The following E4F1 variants were observed in gnomAD, a reference collection of about 807,000 sequenced individuals.
E4F1 encodes transcription factor E4F1.
E4F1 carries 30 observed loss-of-function variants against 72.9 expected under a neutral mutation model. The ratio of observed to expected loss-of-function variants is 0.41; its 90% CI spans 0.31 to 0.56. The LOEUF is 0.56. Among genes scored for constraint, E4F1 ranks in the 20% least tolerant of loss-of-function variants. E4F1 has a pLI of 0.25. For missense variants in E4F1, 1,091 were observed against 1,117.5 expected (o/e 0.98, Z 0.34); for synonymous variants, 542 against 478.2 (o/e 1.13, Z -1.74).
At chr16:2,232,613 A>T in intron 5 of E4F1, 37 bp downstream of exon 5, 2 of 1,608,984 alleles carry the variant, frequency 1.2e-6, no homozygotes, top group Non-Finnish European at 1.7e-6. Flanking sequence ...GCCCGGTAGC[A>T]CCCCGATGGT....
rs1437730488 is a variant in E4F1, at chr16:2,234,318, G to A, written c.1523G>A (p.Gly508Asp). The A allele has an allele frequency of 6.2e-7, 1 of 1,612,980 alleles. No individual in the cohort carries two copies. Among genetic ancestry groups the A allele is most frequent in the East Asian group, 2.2e-5 (1 of 44,884 alleles). The part of the protein sequence containing the change: ...KLYKTIAHVR[G>D]HRRVHSDERP... ...TACAAGACCATTGCCCATGTGCGTG[G>A]CCACCGGCGCGTCCACTCAGACGAG... Residue 508 changes from glycine (G) to aspartate (D), a missense_variant, in exon 10 of 14, where the codon GGC becomes GAC. Coordinates refer to ENST00000301727, the MANE Select transcript of E4F1 (RefSeq NM_004424.5).
In E4F1 at chr16:2,234,839, G is replaced by T. The variant is rs986037040; in HGVS notation, c.1793-20G>T. 6 of 1,548,026 alleles carry T rather than the reference G, an allele frequency of 3.9e-6. No homozygotes were observed. In the East Asian group the frequency reaches 1.2e-4, roughly 32 times the overall value. On this transcript the variant is annotated intron_variant, in intron 11 of 13. Coordinates refer to ENST00000301727, the MANE Select transcript of E4F1 (RefSeq NM_004424.5). ...AGGGGGCCGGGGCTTGCCTAGCCCT[G>T]ACCGAGTCCCCACCCACAGGGGGCT...
Position 2,234,677 on chromosome 16 carries a change from T to C in E4F1, c.1688T>C (p.Val563Ala). 1 of 1,580,916 alleles carries C rather than the reference T, an allele frequency of 6.3e-7. No homozygotes were observed. Among genetic ancestry groups the C allele is most frequent in the East Asian group, 2.3e-5 (1 of 43,302 alleles). ...GGCTTCCGAGAGAAGGGCTCACTGG[T>C]GCGGCACGTGCGACACCACACAGGC... Reference protein sequence around the residue: ...SRGFREKGSLVRHVRHHTGEK... With the variant: ...SRGFREKGSLARHVRHHTGEK... Residue 563 changes from valine to alanine, a missense_variant, in exon 11 of 14, where the codon GTG becomes GCG. Transcript: ENST00000301727.
intron 2 of E4F1, among the ~76,000 whole-genome samples, chr16:2,229,365 G>A (rs997360518): frequency 1.5e-5 from 2 of 129,272 alleles, no homozygotes; most frequent in South Asian, 2.1e-4. Context: ...ACCCTGGCCC[G>A]GGGGTGAAGG....
intron 1 of E4F1, among the ~76,000 whole-genome samples, chr16:2,225,833 C>G (rs1200803090): frequency 6.7e-6 from 1 of 149,374 alleles, no homozygotes; most frequent in African/African-American, 2.5e-5. Context: ...CAATGGCTCG[C>G]GCCTGTAATC....
rs753476220 is a variant in E4F1, at chr16:2,235,410, C to T, written c.2193C>T (p.Ile731=). ...TGGCCATGACGCTGGCCTCGGCCAT[C>T]AGCGAGGGCACTGTGCTTGCCGCCC... ...EQVAMTLASA[I]SEGTVLAARA... The change falls in exon 14 of 14, where the codon ATC becomes ATT. Residue 731 remains isoleucine, a synonymous_variant. Coordinates refer to ENST00000301727, the MANE Select transcript of E4F1 (RefSeq NM_004424.5). 6.2e-7 allele frequency: 1 copy of T among 1,612,140 alleles called. No individual in the cohort carries two copies. Among genetic ancestry groups the T allele is most frequent in the Non-Finnish European group, 8.5e-7 (1 of 1,179,912 alleles).
chr16:2,225,086 G>A (rs1390253268), intron 1 of E4F1, among the ~76,000 whole-genome samples: 2 of 151,962 alleles, frequency 1.3e-5, no homozygotes, highest in African/African-American at 2.4e-5. Context: ...GGTGGTGCGC[G>A]TCTGTAATCC....
At position 2,228,951 on chromosome 16, in the gene E4F1, C is replaced by T. The variant is rs373733992; in HGVS notation, c.309+428C>T. On this transcript the variant is annotated intron_variant, in intron 2 of 13. Coordinates refer to ENST00000301727, the MANE Select transcript of E4F1 (RefSeq NM_004424.5). ...AAATGGCCACCTTTGCTGAGCCCCA[C>T]GCCCAGCTTGGGCTGGATACACAGG... 3.9e-5 allele frequency among the ~76,000 whole-genome samples: 6 copies of T among 152,368 alleles called. No homozygotes were observed. In the South Asian group the frequency reaches 6.2e-4, roughly 16 times the overall value.
chr16:2,224,997 G>A (rs1162724868), intron 1 of E4F1, among the ~76,000 whole-genome samples: 1 of 151,860 alleles, frequency 6.6e-6, no homozygotes, highest in Non-Finnish European at 1.5e-5. Context: ...TGGATCACCT[G>A]AGGTCAGGAG....
chr16:2,232,525 G>T lies in E4F1; in HGVS notation c.679G>T (p.Ala227Ser). The T allele has an allele frequency of 6.2e-7, 1 of 1,612,026 alleles. No individual in the cohort carries two copies. The highest frequency in any genetic ancestry group is 8.5e-7 in the Non-Finnish European group (1 of 1,179,592). Residue 227 changes from alanine to serine, a missense_variant, in exon 5 of 14, where the codon GCC becomes TCC. Physicochemically the swap from Ala to Ser is moderately conservative, Grantham distance 99 (BLOSUM62 1). Coordinates refer to ENST00000301727, the MANE Select transcript of E4F1 (RefSeq NM_004424.5). ...GGACCACGAGTGCAAGCTCTGTGGG[G>T]CCTCCTTCCGCACCAAGGGCTCACT... is the stretch of plus-strand genomic sequence containing the variant. ...RKDHECKLCGASFRTKGSLIR... is the reference protein window; with the variant it reads ...RKDHECKLCGSSFRTKGSLIR...
rs2093504188 is a variant in E4F1, at chr16:2,235,641, G to C, written c.*69G>C. 1 of 1,371,168 alleles carries C rather than the reference G, an allele frequency of 7.3e-7. No individual in the cohort carries two copies. The allele number at this position is 1,371,168 out of a possible 1,614,324, so 84.9% of individuals were successfully genotyped here. A position where few individuals can be genotyped will look rare whatever the true frequency, so the allele number is the denominator to read the frequency against. On this transcript the variant is annotated 3_prime_UTR_variant, in exon 14 of 14. Coordinates refer to ENST00000301727, the MANE Select transcript of E4F1 (RefSeq NM_004424.5). ...GACTCTGAGCGCCCCACCCATGCCT[G>C]CCTGGCCTGGTAGAGAAGATGGCAC...
intron 1 of E4F1, among the ~76,000 whole-genome samples, chr16:2,226,663 T>C (rs30985): frequency 0.99 from 151,478 of 152,364 alleles, 75,297 homozygotes; most frequent in East Asian, 1. Context: ...TGTAAACAGG[T>C]ACTGTCCCTG....
At position 2,229,845 on chromosome 16, in the gene E4F1, G is replaced by A. The variant is rs56828353; in HGVS notation, c.415+170G>A. The A allele has an allele frequency of 4.2e-3, 2,766 of 663,504 alleles. 51 individuals carry two copies. In the African/African-American group the frequency reaches 0.043, roughly 10 times the overall value. 41.1% of individuals were successfully genotyped at this position (663,504 alleles called of 1,614,324 possible). Reference sequence around the variant, plus strand: ...GGCACAGCCTGCAGGAGGAGGAAGCGTTGGGCACTGGGCCTTCCTCAGGTG... The same window carrying A: ...GGCACAGCCTGCAGGAGGAGGAAGCATTGGGCACTGGGCCTTCCTCAGGTG... On this transcript the variant is annotated intron_variant, in intron 3 of 13. Coordinates refer to ENST00000301727, the MANE Select transcript of E4F1 (RefSeq NM_004424.5).
At chr16:2,225,919 C>T (rs896912574) in intron 1 of E4F1, among the ~76,000 whole-genome samples, 1 of 151,982 alleles carries the variant, frequency 6.6e-6, no homozygotes, top group Non-Finnish European at 1.5e-5. Flanking sequence ...CAGGTGAAAC[C>T]CTGTCTTACT....
At chr16:2,229,537 G>C (rs750115247) in intron 2 of E4F1, 33 bp from the exon 3 acceptor site, 40 of 1,597,976 alleles carry the variant, frequency 2.5e-5, no homozygotes, top group South Asian at 8.8e-5. Context: ...GGAGCATACA[G>C]ACGACTCCCC....
chr16:2,233,261 T>A, intron 7 of E4F1, 78 bp downstream of exon 7: 1 of 1,518,170 alleles, frequency 6.6e-7, no homozygotes, highest in Non-Finnish European at 8.8e-7. Flanking sequence ...GGGCACTGGC[T>A]CCAGGGGTCT....
chr16:2,226,662 G>T (rs1461016551), intron 1 of E4F1, among the ~76,000 whole-genome samples: 2 of 152,228 alleles, frequency 1.3e-5, no homozygotes, highest in Non-Finnish European at 2.9e-5. Flanking sequence ...GTGTAAACAG[G>T]TACTGTCCCT....
At position 2,234,983 on chromosome 16, in the gene E4F1, C is replaced by T. The variant is rs757203343; in HGVS notation, c.1917C>T (p.Thr639=). The change falls in exon 12 of 14, where the codon ACC becomes ACT. Residue 639 remains threonine, a synonymous_variant. Coordinates refer to ENST00000301727, the MANE Select transcript of E4F1 (RefSeq NM_004424.5). ...LVEFSSVVAD[T]QEYIIEATAD... ...AGTTCTCGTCCGTGGTAGCTGACAC[C>T]CAGGAGTATATCATCGAGGTGGGTG... The T allele has an allele frequency of 6.2e-7, 1 of 1,609,114 alleles. No individual in the cohort carries two copies. Among genetic ancestry groups the T allele is most frequent in the Non-Finnish European group, 8.5e-7 (1 of 1,178,338 alleles).
rs768293353 is a variant in E4F1 at position 2,235,219 on chromosome 16, G to T, written c.2002G>T (p.Asp668Tyr). 6.2e-7 allele frequency: 1 copy of T among 1,609,302 alleles called. No homozygotes were observed. Among genetic ancestry groups the T allele is most frequent in the Non-Finnish European group, 8.5e-7 (1 of 1,178,600 alleles). Residue 668 changes from aspartate (D) to tyrosine (Y), a missense_variant, in exon 14 of 14, where the codon GAC becomes TAC. By Grantham distance (160) the Asp-to-Tyr change is radical. Transcript: ENST00000301727. ...TTGCTGAGCCGTGGCCCTGCAGGTG[G>T]ACAGCCACATCATGAAGGTGGTGCA... is the stretch of plus-strand genomic sequence containing the variant. Reference protein sequence around the residue: ...EIIEGTQTEVDSHIMKVVQQI... With the variant: ...EIIEGTQTEVYSHIMKVVQQI...
Sources: gnomAD v4.1 joint callset for allele counts (sites outside exome capture counted in the v4.1 genomes callset) on GRCh38, gnomAD v4.1.1 for gene constraint, MANE v1.5 for transcripts, NCBI Gene and HGNC (gene_info 2026-07-23, HGNC 2026-07-21) for gene names.